SAMSN1: variants seen among roughly 807,000 people sequenced by gnomAD.
SAMSN1 encodes the protein SAM domain, SH3 domain and nuclear localization signals 1.
A neutral mutation model predicts 42.0 loss-of-function variants in SAMSN1; 31 were observed. That is an observed-to-expected ratio of 0.74 (90% confidence interval 0.55 to 1.00). The LOEUF (loss-of-function observed/expected upper bound fraction) is 1.00. Among genes scored for constraint, SAMSN1 ranks in the 50% least tolerant of loss-of-function variants. The pLI, the probability that SAMSN1 is intolerant of heterozygous loss-of-function variation, is 0.00. For synonymous variants in SAMSN1, 178 were observed against 151.9 expected (o/e 1.17, Z -1.26); for missense variants, 464 against 439.4 (o/e 1.06, Z -0.50).
chr21:14,541,178 G>A (rs1332130347), intron 1 of SAMSN1, among the ~76,000 whole-genome samples: 1 of 151,920 alleles, frequency 6.6e-6, no homozygotes, highest in Non-Finnish European at 1.5e-5. Context: ...AATACCTAAT[G>A]TAAATGACGA....
intron 6 of SAMSN1, among the ~76,000 whole-genome samples, chr21:14,596,484 G>T (rs978540302): frequency 6.6e-6 from 1 of 152,106 alleles, no homozygotes; most frequent in African/African-American, 2.4e-5. Context: ...ACCTAAGACT[G>T]CCCCTCACCC....
intron 5 of SAMSN1, among the ~76,000 whole-genome samples, chr21:14,606,656 T>C (rs889739778): frequency 2.0e-5 from 3 of 152,224 alleles, no homozygotes; most frequent in Non-Finnish European, 2.9e-5. Context: ...ACACCTAAGC[T>C]ATGCCAATTT....
chr21:14,567,140 C>T (rs1039810141), intron 2 of SAMSN1, among the ~76,000 whole-genome samples: 3 of 151,830 alleles, frequency 2.0e-5, no homozygotes, highest in Non-Finnish European at 2.9e-5. Flanking sequence ...CCTAGAACCA[C>T]AAGAAAGCCA....
chr21:14,537,715 T>A (rs1980954), intron 1 of SAMSN1, among the ~76,000 whole-genome samples: 42,511 of 152,022 alleles, frequency 0.28, 6,184 homozygotes, highest in Middle Eastern at 0.37. Context: ...GTTTTTTTTT[T>A]AAAGCTCTTT....
chr21:14,498,401 C>T (rs767211172), intron 7 of SAMSN1, 41 bp downstream of exon 7: 5 of 1,549,968 alleles, frequency 3.2e-6, no homozygotes, highest in Non-Finnish European at 4.4e-6. Flanking sequence ...TTACATTAAA[C>T]TGATTATCAG....
chr21:14,578,295 C>T (rs927405288), intron 2 of SAMSN1, among the ~76,000 whole-genome samples: 4 of 152,106 alleles, frequency 2.6e-5, no homozygotes, highest in African/African-American at 9.7e-5. Flanking sequence ...ACTCTGCCGG[C>T]AATGTCGGAG....
At chr21:14,599,590 T>A (rs1374376057) in intron 6 of SAMSN1, among the ~76,000 whole-genome samples, 1 of 152,136 alleles carries the variant, frequency 6.6e-6, no homozygotes, top group East Asian at 1.9e-4. Flanking sequence ...CCTTCTACAA[T>A]AGGTTAATGT....
chr21:14,577,267 TATATATATA>T (rs1435518816), intron 2 of SAMSN1, among the ~76,000 whole-genome samples: 3 of 52,834 alleles, frequency 5.7e-5, no homozygotes, highest in African/African-American at 1.2e-4. Context: ...TATATATATA[TATATATATA>T]TATATATATT....
At chr21:14,614,180 T>C (rs1982775046) in intron 3 of SAMSN1, among the ~76,000 whole-genome samples, 2 of 152,362 alleles carry the variant, frequency 1.3e-5, no homozygotes, top group South Asian at 4.1e-4. Context: ...AGTAATGGTA[T>C]TGTGATTATG....
At position 14,622,007 on chromosome 21, in the gene SAMSN1, C is replaced by A. The variant is rs534820309; in HGVS notation, c.157-5991G>T. ...GCAGCCTCTGCTGCTAATACCCAGG[C>A]AAACAGGGTCTGGAGTGGACCTCCA... On this transcript the variant is annotated intron_variant, in intron 2 of 15. Coordinates refer to the SAMSN1 transcript ENST00000647101. Among the ~76,000 whole-genome samples, 6 of 152,354 alleles carry A rather than the reference C, an allele frequency of 3.9e-5. No homozygotes were observed. The East Asian group carries it at 9.6e-4, about 24-fold the overall frequency.
chr21:14,559,687 C>T (rs1487074508), intron 2 of SAMSN1, among the ~76,000 whole-genome samples: 1 of 151,260 alleles, frequency 6.6e-6, no homozygotes, highest in Non-Finnish European at 1.5e-5. Flanking sequence ...TTCTTTTCTG[C>T]AGAGACAAGG....
chr21:14,630,570 G>A (rs1450331633), intron 2 of SAMSN1, among the ~76,000 whole-genome samples: 1 of 152,040 alleles, frequency 6.6e-6, no homozygotes, highest in East Asian at 1.9e-4. Context: ...ACTACCAAAA[G>A]GTGTTCATAT....
chr21:14,577,269 TATA>T (rs1981526164), intron 2 of SAMSN1, among the ~76,000 whole-genome samples: 1 of 52,558 alleles, frequency 1.9e-5, no homozygotes, highest in African/African-American at 1.2e-4. Context: ...TATATATATA[TATA>T]TATATATATA....
chr21:14,561,178 C>T (rs1416208627), intron 2 of SAMSN1, among the ~76,000 whole-genome samples: 1 of 152,128 alleles, frequency 6.6e-6, no homozygotes, highest in African/African-American at 2.4e-5. Flanking sequence ...CATGACTCAA[C>T]TGGTCATGTG....
At chr21:14,659,102 G>T (rs1450952152), upstream of SAMSN1, among the ~76,000 whole-genome samples, 1 of 151,906 alleles carries the variant, frequency 6.6e-6, no homozygotes, top group Non-Finnish European at 1.5e-5. Context: ...CAAACCTGGA[G>T]AAAATATTAT....
chr21:14,488,245 C>T (rs904098893), intron 7 of SAMSN1, among the ~76,000 whole-genome samples: 1 of 152,078 alleles, frequency 6.6e-6, no homozygotes, highest in Non-Finnish European at 1.5e-5. Context: ...GGGGATAAGG[C>T]CACATTTCCC....
At chr21:14,608,491 G>C (rs1011188040) in intron 5 of SAMSN1, among the ~76,000 whole-genome samples, 1 of 152,146 alleles carries the variant, frequency 6.6e-6, no homozygotes, top group African/African-American at 2.4e-5. Context: ...AACTTGAAAG[G>C]CAGTCCAGAC....
chr21:14,641,015 G>C (rs370553973), intron 2 of SAMSN1, among the ~76,000 whole-genome samples: 116,455 of 151,722 alleles, frequency 0.77, 45,190 homozygotes, highest in Middle Eastern at 0.89. Context: ...ACTTAAATGT[G>C]TGAGACATTT....
At chr21:14,504,872 G>A (rs1388569408) in intron 5 of SAMSN1, among the ~76,000 whole-genome samples, 1 of 152,158 alleles carries the variant, frequency 6.6e-6, no homozygotes, top group Non-Finnish European at 1.5e-5. Context: ...ACCCATAAAG[G>A]AAAACCTATC....
Sources: allele counts gnomAD v4.1 joint callset (sites outside exome capture counted in the v4.1 genomes callset), GRCh38; gene constraint gnomAD v4.1.1; transcripts MANE v1.5; gene names NCBI Gene and HGNC (gene_info 2026-07-23, HGNC 2026-07-21).